ASXL3: variants seen among roughly 807,000 people sequenced by gnomAD.
ASXL3 encodes putative Polycomb group protein ASXL3.
A neutral mutation model predicts 170.6 loss-of-function variants in ASXL3; 34 were observed. That is an observed-to-expected ratio of 0.20 (90% CI 0.15 to 0.27). The LOEUF (loss-of-function observed/expected upper bound fraction) is 0.27, where lower values mean the gene tolerates loss of function less well. Ranked by LOEUF, ASXL3 falls within the 10% of genes least tolerant of loss-of-function variation. ASXL3 has a pLI of 1.00. For synonymous variants in ASXL3, 1,002 were observed against 989.1 expected (o/e 1.01, Z -0.24); for missense variants, 2,592 against 2,695.3 (o/e 0.96, Z 0.85).
chr18:33,706,466 C>T (rs2066961771), intron 8 of ASXL3, among the ~76,000 whole-genome samples: 1 of 151,776 alleles, frequency 6.6e-6, no homozygotes, highest in South Asian at 2.1e-4. Context: ...TACACCAGTT[C>T]ATATTGCCAC....
intron 2 of ASXL3, among the ~76,000 whole-genome samples, chr18:33,644,386 T>C (rs1225320584): frequency 1.3e-5 from 2 of 151,972 alleles, no homozygotes; most frequent in Non-Finnish European, 1.5e-5. Context: ...TAAATACTTA[T>C]AATTTCAAAT....
chr18:33,596,841 G>A (rs1180240951), intron 1 of ASXL3, among the ~76,000 whole-genome samples: 3 of 151,838 alleles, frequency 2.0e-5, no homozygotes, highest in African/African-American at 7.3e-5. Flanking sequence ...TTTGAGACAG[G>A]GTCTGGCTCT....
At chr18:33,638,514 C>T (rs1281259705) in intron 2 of ASXL3, among the ~76,000 whole-genome samples, 1 of 152,108 alleles carries the variant, frequency 6.6e-6, no homozygotes, top group Admixed American at 6.6e-5. Flanking sequence ...AGCAGGTCAC[C>T]TTATTTAGCA....
At position 33,707,008 on chromosome 18, in the gene ASXL3, T is replaced by TC. The variant is rs113979921; in HGVS notation, c.879+23446dup. 1.9e-4 allele frequency among the ~76,000 whole-genome samples: 29 copies of TC among 151,786 alleles called. 1 individual carries two copies. The highest frequency in any genetic ancestry group is 7.2e-4 in the Admixed American group (11 of 15,218). On this transcript the variant is annotated intron_variant, in intron 8 of 11. Transcript: ENST00000269197. ...CATATCTTATTTAAAAGGTCATTCTTCCCCCCACCCCCACAGTGTAATGTT... is the reference window on the plus strand; with the variant it reads ...CATATCTTATTTAAAAGGTCATTCTTCCCCCCCACCCCCACAGTGTAATGTT...
At chr18:33,623,833 C>T (rs1372661875) in intron 2 of ASXL3, among the ~76,000 whole-genome samples, 1 of 152,078 alleles carries the variant, frequency 6.6e-6, no homozygotes, top group Non-Finnish European at 1.5e-5. Context: ...CTTAATGAAG[C>T]AGAGCCTCAG....
intron 8 of ASXL3, among the ~76,000 whole-genome samples, chr18:33,694,459 GGTT>G (rs2145311538): frequency 6.6e-6 from 1 of 152,176 alleles, no homozygotes; most frequent in South Asian, 2.1e-4. Context: ...CTGATGAGTA[GGTT>G]GTTGTCATTT....
intron 2 of ASXL3, among the ~76,000 whole-genome samples, chr18:33,612,079 A>G (rs1200234557): frequency 6.6e-6 from 1 of 152,080 alleles, no homozygotes; most frequent in Non-Finnish European, 1.5e-5. Context: ...CATTATCATT[A>G]CAAGATACCT....
chr18:33,710,762 A>G (rs2067045620), intron 8 of ASXL3, among the ~76,000 whole-genome samples: 1 of 152,170 alleles, frequency 6.6e-6, no homozygotes, highest in South Asian at 2.1e-4. Flanking sequence ...CAAACAAGAC[A>G]GAAGTGTACA....
chr18:33,685,870 T>A (rs1197243172), intron 8 of ASXL3, among the ~76,000 whole-genome samples: 1 of 152,194 alleles, frequency 6.6e-6, no homozygotes, highest in African/African-American at 2.4e-5. Context: ...AAGACATTCA[T>A]GAGAGATCTG....
chr18:33,730,609 A>G (rs991969422), intron 8 of ASXL3, among the ~76,000 whole-genome samples: 3 of 152,174 alleles, frequency 2.0e-5, no homozygotes, highest in African/African-American at 7.2e-5. Context: ...GAGGTGGGAC[A>G]TTGGCATGGT....
intron 1 of ASXL3, among the ~76,000 whole-genome samples, chr18:33,583,117 C>T (rs1469221701): frequency 6.6e-6 from 1 of 151,884 alleles, no homozygotes; most frequent in African/African-American, 2.4e-5. Context: ...GTTGCCTTGC[C>T]TTTTGTCTTT....
chr18:33,686,752 C>T (rs186422021), intron 8 of ASXL3, among the ~76,000 whole-genome samples: 57 of 152,232 alleles, frequency 3.7e-4, no homozygotes, highest in Admixed American at 1.2e-3. Context: ...TTTCTGAAAC[C>T]AGTAGGTACC....
chr18:33,713,229 G>GTTTTTTTTTTTTTTTTTTTTTT (rs1478922106), intron 8 of ASXL3, among the ~76,000 whole-genome samples: 2 of 81,768 alleles, frequency 2.4e-5, no homozygotes, highest in Non-Finnish European at 4.2e-5. Flanking sequence ...CCACAAGAAG[G>GTTTTTTTTTTTTTTTTTTTTTT]TTTTTTTTGT....
At chr18:33,667,744 C>T (rs2066281259) in intron 5 of ASXL3, among the ~76,000 whole-genome samples, 1 of 152,118 alleles carries the variant, frequency 6.6e-6, no homozygotes, top group Non-Finnish European at 1.5e-5. Context: ...GCATAATTTT[C>T]TTAGCACTTA....
At chr18:33,699,204 G>A (rs746145776) in intron 8 of ASXL3, among the ~76,000 whole-genome samples, 1 of 152,092 alleles carries the variant, frequency 6.6e-6, no homozygotes, top group African/African-American at 2.4e-5. Flanking sequence ...TCTATGAAAT[G>A]CTCTGATGTT....
chr18:33,591,623 C>A (rs1400772620), intron 1 of ASXL3, among the ~76,000 whole-genome samples: 1 of 150,612 alleles, frequency 6.6e-6, no homozygotes, highest in Non-Finnish European at 1.5e-5. Flanking sequence ...TCCTTTCGAT[C>A]TTCTAATGAC....
intron 8 of ASXL3, among the ~76,000 whole-genome samples, chr18:33,690,777 T>C (rs1941691): frequency 0.69 from 104,461 of 152,082 alleles, 37,240 homozygotes; most frequent in East Asian, 0.98. Context: ...CACCATACCT[T>C]TGCCATGTGG....
chr18:33,624,433 T>G (rs1296018004), intron 2 of ASXL3, among the ~76,000 whole-genome samples: 3 of 152,038 alleles, frequency 2.0e-5, no homozygotes, highest in African/African-American at 4.8e-5. Flanking sequence ...AGTGCTCAGG[T>G]TTTTTTGTTG....
intron 1 of ASXL3, among the ~76,000 whole-genome samples, chr18:33,586,962 C>T (rs534879432): frequency 4.6e-5 from 7 of 152,130 alleles, no homozygotes; most frequent in Admixed American, 1.3e-4. Flanking sequence ...GTCTGTCTTC[C>T]GAGTATAGCT....
Sources: allele counts gnomAD v4.1 joint callset (sites outside exome capture counted in the v4.1 genomes callset), GRCh38; gene constraint gnomAD v4.1.1; transcripts MANE v1.5; gene names NCBI Gene and HGNC (gene_info 2026-07-23, HGNC 2026-07-21).